The following PCDH15 variants were observed in gnomAD, a reference collection of about 807,000 sequenced individuals.
The protein encoded by PCDH15 is protocadherin-15.
PCDH15 carries 129 observed loss-of-function variants against 178.5 expected under a neutral mutation model. That is an observed-to-expected ratio of 0.72 (90% CI 0.63 to 0.84). The LOEUF is 0.84. PCDH15 is among the 40% of genes least tolerant of loss of function. The pLI is 0.00. For missense variants in PCDH15, 2,230 were observed against 2,099.9 expected, an observed-to-expected ratio of 1.06 and a Z score of -1.21; for synonymous variants, 800 against 732.0, an observed-to-expected ratio of 1.09 and a Z score of -1.50.
At chr10:53,826,885 G>A (rs895644062) in intron 32 of PCDH15, among the ~76,000 whole-genome samples, 2 of 151,876 alleles carry the variant, frequency 1.3e-5, no homozygotes, top group Admixed American at 6.6e-5. Flanking sequence ...ATCATATAAC[G>A]TCCTAAAAGT....
chr10:55,440,462 A>G (rs372455267), intron 2 of PCDH15, among the ~76,000 whole-genome samples: 1 of 152,216 alleles, frequency 6.6e-6, no homozygotes, highest in South Asian at 2.1e-4. Flanking sequence ...GAAAAGTGGC[A>G]AAGTAAACAA....
intron 6 of PCDH15, among the ~76,000 whole-genome samples, chr10:54,330,891 G>A (rs1169494541): frequency 1.3e-5 from 2 of 151,862 alleles, no homozygotes; most frequent in Non-Finnish European, 2.9e-5. Flanking sequence ...TGGTTGTTCA[G>A]TTGCCTTGTG....
In PCDH15 at chr10:54,517,738, C is replaced by T. The variant is rs528714296; in HGVS notation, c.157+10074G>A. Reference sequence around the variant, plus strand: ...AATAGACATCTACAGAACTCTTCACCCCAAATCAACAGAATATACATTTTT... The same window carrying T: ...AATAGACATCTACAGAACTCTTCACTCCAAATCAACAGAATATACATTTTT... On this transcript the variant is annotated intron_variant, in intron 3 of 37. Transcript: ENST00000644397. 2.8e-4 allele frequency among the ~76,000 whole-genome samples: 43 copies of T among 152,224 alleles called. 1 individual carries two copies. Among genetic ancestry groups the T allele is most frequent in the Admixed American group, 1.8e-3 (27 of 15,276 alleles).
intron 8 of PCDH15, among the ~76,000 whole-genome samples, chr10:54,300,983 C>G (rs1452285950): frequency 2.6e-5 from 4 of 152,168 alleles, no homozygotes; most frequent in Non-Finnish European, 4.4e-5. Flanking sequence ...CTCTTTGGGT[C>G]TGTACCACCT....
intron 17 of PCDH15, among the ~76,000 whole-genome samples, chr10:54,076,131 C>A (rs950275270): frequency 6.6e-6 from 1 of 151,974 alleles, no homozygotes; most frequent in African/African-American, 2.4e-5. Context: ...TATTTAATTT[C>A]TTTCCAAAAT....
At position 54,903,582 on chromosome 10, in the gene PCDH15, G is replaced by T. The variant is rs560231734; in HGVS notation, c.-79-6082C>A. On this transcript the variant is annotated intron_variant, in intron 2 of 5. Transcript: ENST00000458638. ...TATTTTTTGCCATGTTTTTTTTTTG[G>T]GAAAAAGTATTTTATGAAGCATTAA... Among the ~76,000 whole-genome samples the T allele has an allele frequency of 2.3e-4, 35 of 150,296 alleles. No individual in the cohort carries two copies. In the East Asian group the frequency reaches 6.2e-3, roughly 27 times the overall value.
At chr10:55,282,738 G>T (rs969064035) in intron 1 of PCDH15, among the ~76,000 whole-genome samples, 1 of 152,120 alleles carries the variant, frequency 6.6e-6, no homozygotes, top group Non-Finnish European at 1.5e-5. Flanking sequence ...CAGACAACTT[G>T]CCCAAACTGT....
chr10:53,894,614 A>G (rs1332723587), intron 26 of PCDH15, among the ~76,000 whole-genome samples: 1 of 152,234 alleles, frequency 6.6e-6, no homozygotes, highest in African/African-American at 2.4e-5. Flanking sequence ...CATAAACCAC[A>G]AATACTGTAA....
intron 3 of PCDH15, among the ~76,000 whole-genome samples, chr10:54,469,670 G>T (rs905117611): frequency 6.6e-6 from 1 of 152,138 alleles, no homozygotes; most frequent in Non-Finnish European, 1.5e-5. Context: ...TATGTAAGCA[G>T]GTCTATGCAA....
chr10:54,647,346 T>C (rs536967847), intron 2 of PCDH15, among the ~76,000 whole-genome samples: 2 of 152,064 alleles, frequency 1.3e-5, no homozygotes, highest in South Asian at 2.1e-4. Flanking sequence ...AAGAATAGAA[T>C]GGTGCCAGGG....
At chr10:55,222,381 A>G (rs1840902301) in intron 1 of PCDH15, among the ~76,000 whole-genome samples, 1 of 151,972 alleles carries the variant, frequency 6.6e-6, no homozygotes, top group African/African-American at 2.4e-5. Context: ...ACAAAAATAC[A>G]TGTCAAACTT....
At chr10:54,857,112 C>T (rs1171290335) in intron 3 of PCDH15, among the ~76,000 whole-genome samples, 2 of 152,108 alleles carry the variant, frequency 1.3e-5, no homozygotes, top group African/African-American at 2.4e-5. Context: ...TACCCATTGC[C>T]TCAATACTGT....
At chr10:55,524,013 C>T (rs1490637416) in intron 2 of PCDH15, among the ~76,000 whole-genome samples, 1 of 151,392 alleles carries the variant, frequency 6.6e-6, no homozygotes, top group Non-Finnish European at 1.5e-5. Context: ...TTCTATGCTG[C>T]CACCTACCCC....
At chr10:55,155,694 T>C (rs1219732309) in intron 2 of PCDH15, among the ~76,000 whole-genome samples, 2 of 152,078 alleles carry the variant, frequency 1.3e-5, no homozygotes, top group East Asian at 1.9e-4. Flanking sequence ...TTGGGGCTGT[T>C]TCCTTAAAGA....
intron 1 of PCDH15, among the ~76,000 whole-genome samples, chr10:55,318,501 A>C (rs1343592152): frequency 6.6e-6 from 1 of 152,152 alleles, no homozygotes; most frequent in Non-Finnish European, 1.5e-5. Context: ...TCAATGGATA[A>C]ATCAGACTAG....
In PCDH15 at chr10:54,936,161, G is replaced by A. The variant is rs548741767; in HGVS notation, c.-79-38661C>T. On this transcript the variant is annotated intron_variant, in intron 2 of 5. Coordinates refer to the PCDH15 transcript ENST00000458638. ...TATAACATGGGGTCTTTATATGACT[G>A]GTTTCTCTCACTTAGTGTAATATTT... Among the ~76,000 whole-genome samples the A allele has an allele frequency of 2.0e-5, 3 of 152,016 alleles. No individual in the cohort carries two copies. The South Asian group carries it at 6.2e-4, about 32-fold the overall frequency.
At chr10:54,523,595 T>C (rs2083097935) in intron 3 of PCDH15, among the ~76,000 whole-genome samples, 1 of 152,204 alleles carries the variant, frequency 6.6e-6, no homozygotes, top group South Asian at 2.1e-4. Context: ...TAATTCAATT[T>C]AGGAATACTT....
intron 28 of PCDH15, among the ~76,000 whole-genome samples, chr10:53,850,841 T>C (rs185067635): frequency 3.4e-4 from 52 of 152,184 alleles, no homozygotes; most frequent in African/African-American, 1.1e-3. Flanking sequence ...AATTGGCATG[T>C]AATAGACAAT....
rs536201497 is a variant in PCDH15 at position 55,223,916 on chromosome 10, T to A, written c.-155-57265A>T. ...TTACCGCACATAGTACTGAAGCACA[T>A]ACCCTCTATAATAATATAAGCAAGC... On this transcript the variant is annotated intron_variant, in intron 1 of 5. Coordinates refer to the PCDH15 transcript ENST00000458638. Among the ~76,000 whole-genome samples, 98 of 152,200 alleles carry A rather than the reference T, an allele frequency of 6.4e-4. 1 individual carries two copies. The South Asian group carries it at 0.02, about 31-fold the overall frequency.
Sources: allele counts gnomAD v4.1 joint callset (sites outside exome capture counted in the v4.1 genomes callset), GRCh38; gene constraint gnomAD v4.1.1; transcripts MANE v1.5; gene names NCBI Gene and HGNC (gene_info 2026-07-23, HGNC 2026-07-21).